The following SELENOK variants were observed in gnomAD, a reference collection of about 807,000 sequenced individuals.
SELENOK encodes selenoprotein K.
Under a neutral mutation model 17.3 loss-of-function variants are expected in SELENOK, and 11 were observed. The observed-to-expected ratio is 0.63, with a 90% CI of 0.40 to 1.05. SELENOK has a LOEUF of 1.05. Among genes scored for constraint, SELENOK ranks in the 50% least tolerant of loss-of-function variants. The pLI, the probability that SELENOK is intolerant of heterozygous loss-of-function variation, is 0.00. For missense variants in SELENOK, 125 were observed against 113.9 expected (o/e 1.10, Z -0.44); for synonymous variants, 45 against 35.4 (o/e 1.27, Z -0.97).
chr3:53,887,302 G>C (rs1700134736), intron 2 of SELENOK, among the ~76,000 whole-genome samples: 1 of 152,154 alleles, frequency 6.6e-6, no homozygotes, highest in African/African-American at 2.4e-5. Context: ...AGGGGCCAAG[G>C]GTGGTGTGGC....
intron 3 of SELENOK, 71 bp from the exon 4 acceptor site, chr3:53,885,983 C>A: frequency 1.0e-6 from 1 of 979,186 alleles, no homozygotes; most frequent in Non-Finnish European, 1.5e-6. Context: ...TAAAAGCACT[C>A]AACTAGACCC....
chr3:53,885,027 G>A lies in SELENOK; in HGVS notation c.*531C>T, dbSNP rs1307540694. 6.6e-6 allele frequency: 1 copy of A among 152,226 alleles called. No individual in the cohort carries two copies. The highest frequency in any genetic ancestry group is 1.5e-5 in the Non-Finnish European group (1 of 68,066). The allele number at this position is 152,226 out of a possible 1,614,324, so 9.4% of individuals were successfully genotyped here. A position where few individuals can be genotyped will look rare whatever the true frequency, so the allele number is the denominator to read the frequency against. The stretch of plus-strand genomic sequence containing the variant: ...AATACCCTGATAATTACATTTGGTA[G>A]CAAATTAGACACAGTGTATTAAAGA... On this transcript the variant is annotated 3_prime_UTR_variant, in exon 5 of 5. Transcript: ENST00000495461.
At position 53,885,464 on chromosome 3, in the gene SELENOK, A is replaced by G. The variant is rs1476189377; in HGVS notation, c.*94T>C. 3.3e-6 allele frequency: 4 copies of G among 1,224,864 alleles called. No homozygotes were observed. Among genetic ancestry groups the G allele is most frequent in the African/African-American group, 1.5e-5 (1 of 66,374 alleles). The allele number at this position is 1,224,864 out of a possible 1,614,324, so 75.9% of individuals were successfully genotyped here. Reference sequence around the variant, plus strand: ...AGTCCTTGTTTAGACATACACATTCATCTACTGCTCATCATGGTCAGCCTT... The same window carrying G: ...AGTCCTTGTTTAGACATACACATTCGTCTACTGCTCATCATGGTCAGCCTT... On this transcript the variant is annotated 3_prime_UTR_variant, in exon 5 of 5. Transcript: ENST00000495461.
chr3:53,886,734 T>C (rs1700129706), intron 3 of SELENOK, 117 bp downstream of exon 3: 1 of 594,570 alleles, frequency 1.7e-6, no homozygotes, highest in Non-Finnish European at 2.8e-6. Flanking sequence ...ATGCATTAAT[T>C]TTGTAAAATA....
At chr3:53,887,995 T>A (rs1370151523) in intron 2 of SELENOK, 2 of 152,920 alleles carry the variant, frequency 1.3e-5, no homozygotes, top group Non-Finnish European at 2.9e-5. Flanking sequence ...GAATTTTTTT[T>A]AAACCAGGAT....
At chr3:53,888,776 G>A (rs1442169471) in intron 1 of SELENOK, among the ~76,000 whole-genome samples, 2 of 152,146 alleles carry the variant, frequency 1.3e-5, no homozygotes, top group Non-Finnish European at 2.9e-5. Context: ...TATAACAAAG[G>A]CTGGGCGCGG....
At chr3:53,890,410 C>T (rs1197945292) in intron 1 of SELENOK, among the ~76,000 whole-genome samples, 1 of 152,232 alleles carries the variant, frequency 6.6e-6, no homozygotes, top group Admixed American at 6.5e-5. Context: ...TGCTTTTCCA[C>T]TTTCCCTTTC....
chr3:53,887,024 G>C (rs769091659), intron 2 of SELENOK, 90 bp from the exon 3 acceptor site: 75 of 1,056,398 alleles, frequency 7.1e-5, no homozygotes, highest in Non-Finnish European at 9.5e-5. Flanking sequence ...ATCTCTGTGA[G>C]AGGATTACTA....
chr3:53,887,021 T>A, intron 2 of SELENOK, 87 bp from the exon 3 acceptor site: 1 of 1,076,448 alleles, frequency 9.3e-7, no homozygotes. Context: ...ATCATCTCTG[T>A]GAGAGGATTA....
chr3:53,888,276 T>G, intron 2 of SELENOK, 117 bp downstream of exon 2: 1 of 688,736 alleles, frequency 1.5e-6, no homozygotes, highest in Non-Finnish European at 2.5e-6. Flanking sequence ...ATTTTTTAAA[T>G]TGCAATAGAA....
chr3:53,887,394 G>A (rs1306227071), intron 2 of SELENOK, among the ~76,000 whole-genome samples: 1 of 152,220 alleles, frequency 6.6e-6, no homozygotes, highest in African/African-American at 2.4e-5. Context: ...ATTTAACTGA[G>A]TTTAAAAAGT....
At chr3:53,888,341 G>A in intron 2 of SELENOK, 52 bp downstream of exon 2, 2 of 1,127,904 alleles carry the variant, frequency 1.8e-6, no homozygotes, top group Non-Finnish European at 2.7e-6. Context: ...TGCACATGAT[G>A]TATACCTGTC....
intron 3 of SELENOK, among the ~76,000 whole-genome samples, chr3:53,886,543 G>A (rs570121322): frequency 2.4e-4 from 37 of 152,296 alleles, no homozygotes; most frequent in Non-Finnish European, 5.3e-4. Context: ...GATCTTCTAA[G>A]TTTTTAATTA....
At chr3:53,886,269 ACT>A (rs1234963697) in intron 3 of SELENOK, among the ~76,000 whole-genome samples, 1 of 151,568 alleles carries the variant, frequency 6.6e-6, no homozygotes, top group African/African-American at 2.4e-5. Flanking sequence ...ATGGAGTCCC[ACT>A]CTGTCTCCAG....
At position 53,884,874 on chromosome 3, in the gene SELENOK, C is replaced by G. The variant is rs1700112966; in HGVS notation, c.*684G>C. On this transcript the variant is annotated 3_prime_UTR_variant, in exon 5 of 5. Coordinates refer to ENST00000495461, the MANE Select transcript of SELENOK (RefSeq NM_021237.5). The stretch of plus-strand genomic sequence containing the variant: ...AAACTCGTGAACTTAGGCGATCTGC[C>G]CGCCTCAGCCTCCCACAGTGCTGGG... 6.6e-6 allele frequency: 1 copy of G among 152,248 alleles called. No individual in the cohort carries two copies. Among genetic ancestry groups the G allele is most frequent in the Admixed American group, 6.5e-5 (1 of 15,292 alleles). The allele number at this position is 152,248 out of a possible 1,614,324, so 9.4% of individuals were successfully genotyped here.
In SELENOK at chr3:53,885,566, A is replaced by G; in HGVS notation, c.282-5T>C. The G allele has an allele frequency of 6.2e-6, 10 of 1,610,764 alleles. No homozygotes were observed. Among genetic ancestry groups the G allele is most frequent in the Non-Finnish European group, 8.5e-6 (10 of 1,178,040 alleles). ...CTTCTTAGAGCAGACATTTACCTGA[A>G]AGAAAATGTTACAATAATTAGTTAC... is the stretch of plus-strand genomic sequence containing the variant. On this transcript the variant is annotated splice_region_variant and splice_polypyrimidine_tract_variant and intron_variant, in intron 4 of 4. Coordinates refer to ENST00000495461, the MANE Select transcript of SELENOK (RefSeq NM_021237.5).
chr3:53,885,978 G>T, intron 3 of SELENOK, 66 bp from the exon 4 acceptor site: 1 of 1,048,106 alleles, frequency 9.5e-7, no homozygotes, highest in Non-Finnish European at 1.4e-6. Flanking sequence ...CCTTTTAAAA[G>T]CACTCAACTA....
chr3:53,888,383 C>T lies in SELENOK; in HGVS notation c.110+10G>A. On this transcript the variant is annotated intron_variant, in intron 2 of 4. Coordinates refer to ENST00000495461, the MANE Select transcript of SELENOK (RefSeq NM_021237.5). ...AATATCAGGGCAATTAAGAGCTCTTCTATACTTACAACAAAACCACAAACT... is the reference window on the plus strand; with the variant it reads ...AATATCAGGGCAATTAAGAGCTCTTTTATACTTACAACAAAACCACAAACT... 1.3e-6 allele frequency: 2 copies of T among 1,581,620 alleles called. No individual in the cohort carries two copies. The highest frequency in any genetic ancestry group is 1.7e-6 in the Non-Finnish European group (2 of 1,151,010).
At chr3:53,889,046 GA>G (rs146836092) in intron 1 of SELENOK, among the ~76,000 whole-genome samples, 2 of 139,150 alleles carry the variant, frequency 1.4e-5, no homozygotes, top group African/African-American at 2.7e-5. Flanking sequence ...GACAGAGCAA[GA>G]AAAAAAAAAC....
Sources: allele counts gnomAD v4.1 joint callset (sites outside exome capture counted in the v4.1 genomes callset), GRCh38; gene constraint gnomAD v4.1.1; transcripts MANE v1.5; gene names NCBI Gene and HGNC (gene_info 2026-07-23, HGNC 2026-07-21).